The following SLC24A2 variants were observed in gnomAD, a reference collection of about 807,000 sequenced individuals.
SLC24A2 encodes sodium/potassium/calcium exchanger 2.
In SLC24A2, 36 loss-of-function variants were observed where a neutral mutation model predicts 62.0. That is an observed-to-expected ratio of 0.58 (90% CI 0.44 to 0.77). SLC24A2 has a LOEUF of 0.77. Ranked by LOEUF, SLC24A2 falls within the 30% of genes least tolerant of loss-of-function variation. SLC24A2 has a pLI of 0.00. For synonymous variants in SLC24A2, 358 were observed against 294.0 expected, an observed-to-expected ratio of 1.22 and a Z score of -2.23; for missense variants, 846 against 817.9, an observed-to-expected ratio of 1.03 and a Z score of -0.42.
At chr9:19,567,270 G>C (rs891487897) in intron 7 of SLC24A2, among the ~76,000 whole-genome samples, 8 of 151,660 alleles carry the variant, frequency 5.3e-5, no homozygotes, top group African/African-American at 1.9e-4. Context: ...ATATGGGCCG[G>C]GCACGGTGGC....
the SLC24A2 span, among the ~76,000 whole-genome samples, chr9:20,054,139 TG>T: frequency 1.4e-4 from 21 of 152,238 alleles, no homozygotes; most frequent in Middle Eastern, 6.8e-3. Flanking sequence ...AGTTCTTTAA[TG>T]GTGATTTCTA....
chr9:19,539,050 A>G (rs1434127837), intron 8 of SLC24A2, among the ~76,000 whole-genome samples: 1 of 83,360 alleles, frequency 1.2e-5, no homozygotes, highest in African/African-American at 4.8e-5. Context: ...CGGTGGTGAT[A>G]TCCCCTTTAT....
intron 7 of SLC24A2, among the ~76,000 whole-genome samples, chr9:19,565,937 T>G (rs1835631873): frequency 6.6e-6 from 1 of 150,548 alleles, no homozygotes; most frequent in South Asian, 2.1e-4. Context: ...ACTGGATCCC[T>G]TCCTTACACC....
chr9:20,045,580 C>T, the SLC24A2 span, among the ~76,000 whole-genome samples: 3 of 152,032 alleles, frequency 2.0e-5, no homozygotes, highest in African/African-American at 2.4e-5. Flanking sequence ...TACAGGCGCC[C>T]GCTACCACGC....
chr9:20,072,599 G>A, the SLC24A2 span, among the ~76,000 whole-genome samples: 3 of 151,986 alleles, frequency 2.0e-5, no homozygotes, highest in East Asian at 5.8e-4. Context: ...ATATGATTAA[G>A]TCAGATATCT....
the SLC24A2 span, among the ~76,000 whole-genome samples, chr9:20,227,416 A>G: frequency 6.6e-6 from 1 of 152,014 alleles, no homozygotes; most frequent in East Asian, 1.9e-4. Context: ...TGGCCTCAAG[A>G]ATATTTAATG....
At chr9:20,133,623 T>C in the SLC24A2 span, among the ~76,000 whole-genome samples, 2 of 152,302 alleles carry the variant, frequency 1.3e-5, no homozygotes, top group East Asian at 1.9e-4. Flanking sequence ...ATTATTCTAA[T>C]CTATCTTCTG....
the SLC24A2 span, among the ~76,000 whole-genome samples, chr9:20,008,445 T>C: frequency 6.6e-6 from 1 of 152,166 alleles, no homozygotes; most frequent in Non-Finnish European, 1.5e-5. Flanking sequence ...TTCACTCTAC[T>C]TCTTCATTGC....
chr9:19,952,815 A>G, the SLC24A2 span, among the ~76,000 whole-genome samples: 1 of 151,792 alleles, frequency 6.6e-6, no homozygotes, highest in Non-Finnish European at 1.5e-5. Flanking sequence ...TTTGTATAAG[A>G]CTAGTATTAG....
At chr9:19,886,121 C>T in the SLC24A2 span, among the ~76,000 whole-genome samples, 91 of 152,204 alleles carry the variant, frequency 6.0e-4, 2 homozygotes, top group African/African-American at 1.4e-3. Context: ...CCTAATAATA[C>T]GATTGCTGGG....
chr9:20,135,331 A>G, the SLC24A2 span, among the ~76,000 whole-genome samples: 1 of 115,928 alleles, frequency 8.6e-6, no homozygotes, highest in South Asian at 3.1e-4. Flanking sequence ...TTACAATTTA[A>G]AATTTTAATT....
chr9:19,742,724 G>C (rs1394004864), intron 2 of SLC24A2, among the ~76,000 whole-genome samples: 1 of 152,098 alleles, frequency 6.6e-6, no homozygotes, highest in African/African-American at 2.4e-5. Context: ...CAGGAACAAG[G>C]CCAACTAAAA....
At chr9:19,867,161 A>C in the SLC24A2 span, among the ~76,000 whole-genome samples, 1 of 152,176 alleles carries the variant, frequency 6.6e-6, no homozygotes, top group Non-Finnish European at 1.5e-5. Context: ...TGCCTGTATC[A>C]AAAAAATCTC....
At chr9:19,868,743 T>C in the SLC24A2 span, among the ~76,000 whole-genome samples, 1 of 152,250 alleles carries the variant, frequency 6.6e-6, no homozygotes, top group African/African-American at 2.4e-5. Context: ...CTAGCAATTG[T>C]TCTTTTTCTG....
In SLC24A2 at chr9:19,636,330, T is replaced by TTCTTTTC. The variant is rs1491510974; in HGVS notation, c.931-14032_931-14031insGAAAAGA. ...TTTTCTTTTCTTTTCTTTCTTTCTT[T>TTCTTTTC]CTTTCTTTCTTTCTTTCTTTCTTTC... On this transcript the variant is annotated intron_variant, in intron 2 of 10. Transcript: ENST00000341998. 3.7e-3 allele frequency among the ~76,000 whole-genome samples: 113 copies of TTCTTTTC among 30,206 alleles called. 4 individuals carry two copies. Among genetic ancestry groups the TTCTTTTC allele is most frequent in the Middle Eastern group, 0.015 (1 of 68 alleles). 19.8% of individuals were successfully genotyped at this position (30,206 alleles called of 152,430 possible). A position where few individuals can be genotyped will look rare whatever the true frequency, so the allele number is the denominator to read the frequency against.
chr9:20,165,898 C>T, the SLC24A2 span, among the ~76,000 whole-genome samples: 1 of 151,762 alleles, frequency 6.6e-6, no homozygotes, highest in Non-Finnish European at 1.5e-5. Flanking sequence ...AGAAAAAGAA[C>T]TATTATCCCA....
At chr9:20,267,807 G>A in the SLC24A2 span, among the ~76,000 whole-genome samples, 1 of 152,250 alleles carries the variant, frequency 6.6e-6, no homozygotes, top group South Asian at 2.1e-4. Context: ...TATCTATAAA[G>A]GGCCTGGTTC....
At chr9:20,127,518 T>C in the SLC24A2 span, among the ~76,000 whole-genome samples, 39 of 152,314 alleles carry the variant, frequency 2.6e-4, no homozygotes, top group South Asian at 8.3e-4. Context: ...CAATAAGACC[T>C]GGGTTTAATC....
the SLC24A2 span, among the ~76,000 whole-genome samples, chr9:19,965,513 G>A: frequency 2.6e-5 from 4 of 152,168 alleles, no homozygotes; most frequent in Admixed American, 1.3e-4. Flanking sequence ...GAAAATATGC[G>A]TGGTGTGTGT....
Sources: gnomAD v4.1 joint callset for allele counts (sites outside exome capture counted in the v4.1 genomes callset) on GRCh38, gnomAD v4.1.1 for gene constraint, MANE v1.5 for transcripts, NCBI Gene and HGNC (gene_info 2026-07-23, HGNC 2026-07-21) for gene names.